DLC1: variants seen among roughly 807,000 people sequenced by gnomAD.
DLC1 encodes the protein rho GTPase-activating protein 7.
In DLC1, 54 loss-of-function variants were observed where a neutral mutation model predicts 140.3. That is an observed-to-expected ratio of 0.38 (90% confidence interval 0.31 to 0.48). DLC1 has a LOEUF of 0.48. Among genes scored for constraint, DLC1 ranks in the 20% least tolerant of loss-of-function variants. DLC1 has a pLI of 0.96. For missense variants in DLC1, 2,536 were observed against 1,907.0 expected (o/e 1.33, Z -6.14); for synonymous variants, 986 against 728.1 (o/e 1.35, Z -5.70).
chr8:13,184,458 A>C (rs2116991819), intron 5 of DLC1, among the ~76,000 whole-genome samples: 1 of 152,006 alleles, frequency 6.6e-6, no homozygotes, highest in Non-Finnish European at 1.5e-5. Context: ...TTCCCTCTAC[A>C]CTCTGCTTTA....
intron 1 of DLC1, among the ~76,000 whole-genome samples, chr8:13,580,606 T>C (rs1805062137): frequency 6.6e-6 from 1 of 152,176 alleles, no homozygotes; most frequent in African/African-American, 2.4e-5. Flanking sequence ...TGGACTCCCA[T>C]GCAAAATATA....
intron 5 of DLC1, among the ~76,000 whole-genome samples, chr8:13,203,391 A>C (rs1827498308): frequency 6.6e-6 from 1 of 152,224 alleles, no homozygotes; most frequent in Non-Finnish European, 1.5e-5. Flanking sequence ...AAAGGGAAAT[A>C]AGACGTAACA....
chr8:13,544,939 A>T (rs967204541), intron 1 of DLC1, among the ~76,000 whole-genome samples: 2 of 152,224 alleles, frequency 1.3e-5, no homozygotes, highest in African/African-American at 4.8e-5. Context: ...TGCCACCTTC[A>T]GGGGGGCACT....
chr8:13,518,780 A>G (rs1802674267), upstream of DLC1, among the ~76,000 whole-genome samples: 1 of 152,212 alleles, frequency 6.6e-6, no homozygotes, highest in South Asian at 2.1e-4. Context: ...TGAAATATCT[A>G]CATGCATACA....
Position 13,498,952 on chromosome 8 carries a change from A to G in DLC1, c.1023+97T>C, listed in dbSNP as rs1046834215. 2.9e-6 allele frequency: 4 copies of G among 1,399,144 alleles called. No individual in the cohort carries two copies. In the African/African-American group the frequency reaches 4.3e-5, roughly 15 times the overall value. 86.7% of individuals were successfully genotyped at this position (1,399,144 alleles called of 1,614,324 possible). ...ATCTGCATAACAGGGCAAAAGAACCATCTTCATATCTTTTTAATCCAAGCA... is the reference window on the plus strand; with the variant it reads ...ATCTGCATAACAGGGCAAAAGAACCGTCTTCATATCTTTTTAATCCAAGCA... On this transcript the variant is annotated intron_variant, in intron 2 of 17. Coordinates refer to ENST00000276297, the MANE Select transcript of DLC1 (RefSeq NM_182643.3).
chr8:13,143,048 A>AC (rs1225833674), intron 5 of DLC1, among the ~76,000 whole-genome samples: 2 of 152,040 alleles, frequency 1.3e-5, no homozygotes, highest in Admixed American at 1.3e-4. Flanking sequence ...CGTCTCAAAA[A>AC]AAAAAAAAAA....
At chr8:13,357,974 T>A (rs1835027124) in intron 4 of DLC1, among the ~76,000 whole-genome samples, 1 of 152,196 alleles carries the variant, frequency 6.6e-6, no homozygotes, top group South Asian at 2.1e-4. Flanking sequence ...ATACATTAGG[T>A]ATGGTCTTTA....
intron 4 of DLC1, among the ~76,000 whole-genome samples, chr8:13,350,804 G>T (rs546795432): frequency 2.6e-5 from 4 of 152,196 alleles, no homozygotes; most frequent in African/African-American, 9.7e-5. Flanking sequence ...AGTCAGCTTG[G>T]AAGGTGGTAG....
intron 4 of DLC1, among the ~76,000 whole-genome samples, chr8:13,330,975 A>C (rs1035472244): frequency 6.6e-6 from 1 of 152,198 alleles, no homozygotes; most frequent in East Asian, 1.9e-4. Flanking sequence ...AGAGGAAAAA[A>C]AATAAAGCAA....
chr8:13,361,114 A>C (rs535113890), intron 4 of DLC1, among the ~76,000 whole-genome samples: 209 of 150,692 alleles, frequency 1.4e-3, no homozygotes, highest in Admixed American at 2.7e-3. Context: ...TGCCTGTAGT[A>C]CCAGCTGCTC....
intron 5 of DLC1, among the ~76,000 whole-genome samples, chr8:13,299,895 A>G (rs918354045): frequency 2.6e-5 from 4 of 152,156 alleles, no homozygotes; most frequent in Admixed American, 1.3e-4. Context: ...GAGATTTTGA[A>G]CCAGAAATGC....
At chr8:13,275,438 C>T (rs1043786077) in intron 5 of DLC1, among the ~76,000 whole-genome samples, 5 of 152,222 alleles carry the variant, frequency 3.3e-5, no homozygotes, top group Admixed American at 6.5e-5. Context: ...AAAACATAGT[C>T]TTTGACCCAT....
intron 2 of DLC1, among the ~76,000 whole-genome samples, chr8:13,412,097 C>A (rs1189984063): frequency 1.3e-5 from 2 of 151,880 alleles, no homozygotes; most frequent in Non-Finnish European, 2.9e-5. Context: ...ATCATATGTA[C>A]GACAATGAAT....
Position 13,215,329 on chromosome 8 carries a change from T to G in DLC1, c.1348+89940A>C, listed in dbSNP as rs750979020. On this transcript the variant is annotated intron_variant, in intron 5 of 17. Transcript: ENST00000276297. Reference sequence around the variant, plus strand: ...GGCTGGGCACAGTGGCTCACGCCTGTAATCCCAACATTTTGGGAGGCCGAG... The same window carrying G: ...GGCTGGGCACAGTGGCTCACGCCTGGAATCCCAACATTTTGGGAGGCCGAG... Among the ~76,000 whole-genome samples the G allele has an allele frequency of 5.3e-4, 80 of 152,252 alleles. 2 individuals are homozygous for G. Among genetic ancestry groups the G allele is most frequent in the Admixed American group, 3.9e-4 (6 of 15,288 alleles).
At chr8:13,189,126 T>C (rs535065274) in intron 5 of DLC1, among the ~76,000 whole-genome samples, 232 of 152,206 alleles carry the variant, frequency 1.5e-3, no homozygotes, top group African/African-American at 5.2e-3. Context: ...TTTTTCATGA[T>C]AAAATAATTG....
chr8:13,162,928 A>T (rs1386302833), intron 5 of DLC1, among the ~76,000 whole-genome samples: 1 of 152,220 alleles, frequency 6.6e-6, no homozygotes, highest in African/African-American at 2.4e-5. Flanking sequence ...AACTAAGAAT[A>T]AAGTAAACAA....
chr8:13,489,964 TTTAC>T (rs1801161400), intron 2 of DLC1, among the ~76,000 whole-genome samples: 1 of 152,218 alleles, frequency 6.6e-6, no homozygotes, highest in Non-Finnish European at 1.5e-5. Context: ...GATTTTCCAT[TTTAC>T]TTAATGTTCC....
At chr8:13,329,719 A>G (rs927935173) in intron 4 of DLC1, among the ~76,000 whole-genome samples, 1 of 152,202 alleles carries the variant, frequency 6.6e-6, no homozygotes, top group Non-Finnish European at 1.5e-5. Context: ...ATATTCTTAT[A>G]TATACATTAG....
chr8:13,453,639 A>G (rs1273531291), intron 2 of DLC1, among the ~76,000 whole-genome samples: 1 of 144,222 alleles, frequency 6.9e-6, no homozygotes, highest in Non-Finnish European at 1.5e-5. Flanking sequence ...TAAGGAAGCA[A>G]TCTCTCATTG....
Sources: allele counts gnomAD v4.1 joint callset (sites outside exome capture counted in the v4.1 genomes callset), GRCh38; gene constraint gnomAD v4.1.1; transcripts MANE v1.5; gene names NCBI Gene and HGNC (gene_info 2026-07-23, HGNC 2026-07-21).